The following MAN2A1 variants were observed in gnomAD, a reference collection of about 807,000 sequenced individuals.
The protein encoded by MAN2A1 is mannosidase alpha class 2A member 1, also known as alpha-mannosidase 2.
In MAN2A1, 76 loss-of-function variants were observed where a neutral mutation model predicts 142.6. The ratio of observed to expected loss-of-function variants is 0.53; its 90% CI spans 0.44 to 0.65. The LOEUF (loss-of-function observed/expected upper bound fraction) is 0.65, where lower values mean the gene tolerates loss of function less well. MAN2A1 is among the 30% of genes least tolerant of loss of function. MAN2A1 has a pLI of 0.00. For synonymous variants in MAN2A1, 559 were observed against 473.2 expected (o/e 1.18, Z -2.35); for missense variants, 1,311 against 1,365.1 (o/e 0.96, Z 0.62).
At chr5:109,722,612 C>T (rs1751636300) in intron 3 of MAN2A1, among the ~76,000 whole-genome samples, 1 of 152,078 alleles carries the variant, frequency 6.6e-6, no homozygotes, top group Non-Finnish European at 1.5e-5. Flanking sequence ...GATGGGGTTT[C>T]ACCATGTTGG....
chr5:109,725,691 G>T (rs1751725258), intron 3 of MAN2A1, among the ~76,000 whole-genome samples: 2 of 152,154 alleles, frequency 1.3e-5, no homozygotes, highest in Non-Finnish European at 2.9e-5. Flanking sequence ...ACATCCTCAT[G>T]GTGGTACTTA....
chr5:109,746,479 A>G (rs1204542438), intron 4 of MAN2A1, among the ~76,000 whole-genome samples: 2 of 150,818 alleles, frequency 1.3e-5, no homozygotes, highest in African/African-American at 2.4e-5. Flanking sequence ...GCTCTTATTT[A>G]TTTTATGGAT....
chr5:109,757,597 T>C (rs1439622061), intron 5 of MAN2A1, among the ~76,000 whole-genome samples: 1 of 152,206 alleles, frequency 6.6e-6, no homozygotes, highest in East Asian at 1.9e-4. Flanking sequence ...ATATTTCACA[T>C]AAATTCATAG....
intron 4 of MAN2A1, among the ~76,000 whole-genome samples, chr5:109,732,562 G>C (rs556927182): frequency 1.1e-4 from 17 of 152,042 alleles, no homozygotes; most frequent in Admixed American, 7.8e-4. Context: ...AAGGGATCCA[G>C]TTTCAGCTTT....
intron 6 of MAN2A1, 46 bp downstream of exon 6, chr5:109,767,754 A>T (rs1222322689): frequency 1.3e-6 from 2 of 1,524,874 alleles, no homozygotes; most frequent in African/African-American, 1.4e-5. Flanking sequence ...CCTAGATACT[A>T]TTTCACAAGG....
chr5:109,846,124 T>C (rs1461217231), intron 18 of MAN2A1, 118 bp downstream of exon 18: 1 of 908,742 alleles, frequency 1.1e-6, no homozygotes, highest in East Asian at 3.0e-5. Flanking sequence ...TCTTTTCAGC[T>C]TTTTTCTTTC....
intron 16 of MAN2A1, among the ~76,000 whole-genome samples, chr5:109,837,609 G>T (rs973929519): frequency 7.9e-5 from 12 of 152,128 alleles, no homozygotes; most frequent in African/African-American, 2.9e-4. Context: ...AAAGCTTGTA[G>T]TAAACATATG....
Position 109,781,479 on chromosome 5 carries a change from C to G in MAN2A1, c.1458C>G (p.Phe486Leu). ...ETQRDKGQSM[F>L]PVLSGDFFTY... is the part of the protein sequence containing the mutation. ...AGAGAGACAAGGGCCAATCGATGTT[C>G]CCTGTTTTAAGTGGAGATTTTTTCA... The change falls in exon 9 of 22, where the codon TTC becomes TTG. Residue 486 changes from phenylalanine (F) to leucine (L), a missense_variant. By Grantham distance (22) the Phe-to-Leu change is conservative. Around this residue, in one of 3 missense-constraint regions of MAN2A1, gnomAD observed 890 missense variants for 920.5 expected, o/e 0.97. Transcript: ENST00000261483. 6.2e-7 allele frequency: 1 copy of G among 1,613,002 alleles called. No individual in the cohort carries two copies. Among genetic ancestry groups the G allele is most frequent in the Non-Finnish European group, 8.5e-7 (1 of 1,179,614 alleles).
intron 4 of MAN2A1, among the ~76,000 whole-genome samples, chr5:109,742,334 A>G (rs1340719381): frequency 6.6e-6 from 1 of 152,202 alleles, no homozygotes; most frequent in East Asian, 1.9e-4. Flanking sequence ...GTGTGCTGAG[A>G]TGAAGGTACC....
At chr5:109,712,469 G>A (rs1751328880) in intron 1 of MAN2A1, among the ~76,000 whole-genome samples, 2 of 151,724 alleles carry the variant, frequency 1.3e-5, no homozygotes, top group Non-Finnish European at 2.9e-5. Context: ...TGAATCTATC[G>A]TTTGACCAGT....
chr5:109,862,855 A>T (rs908010661), intron 20 of MAN2A1: 4 of 152,172 alleles, frequency 2.6e-5, no homozygotes, highest in African/African-American at 9.7e-5. Context: ...TACAAAAGTG[A>T]TGTAATTTTA....
chr5:109,820,978 A>T (rs1365655997), intron 15 of MAN2A1, among the ~76,000 whole-genome samples: 3 of 152,192 alleles, frequency 2.0e-5, no homozygotes, highest in African/African-American at 7.2e-5. Flanking sequence ...TAGATTTTCC[A>T]CTGGACCATT....
chr5:109,812,173 C>T lies in MAN2A1; in HGVS notation c.1944-5100C>T, dbSNP rs1025863832. On this transcript the variant is annotated intron_variant, in intron 12 of 21. Coordinates refer to ENST00000261483, the MANE Select transcript of MAN2A1 (RefSeq NM_002372.4). ...TAAACATTTTATAATTTAACATTAA[C>T]AATAATCTTGTTTCCCGATTTTATA... Among the ~76,000 whole-genome samples, 8 of 152,172 alleles carry T rather than the reference C, an allele frequency of 5.3e-5. No individual in the cohort carries two copies. The East Asian group carries it at 1.4e-3, about 26-fold the overall frequency.
At chr5:109,754,852 T>G (rs551128077) in intron 4 of MAN2A1, among the ~76,000 whole-genome samples, 1 of 152,260 alleles carries the variant, frequency 6.6e-6, no homozygotes. Context: ...AAATACAAAA[T>G]TAGCCAGGCA....
At chr5:109,772,371 A>T (rs1316942847) in intron 7 of MAN2A1, among the ~76,000 whole-genome samples, 2 of 152,212 alleles carry the variant, frequency 1.3e-5, no homozygotes, top group African/African-American at 4.8e-5. Flanking sequence ...TTCGTCTCTA[A>T]AATAAACAAA....
At chr5:109,803,844 C>T (rs965713267) in intron 12 of MAN2A1, among the ~76,000 whole-genome samples, 6 of 152,022 alleles carry the variant, frequency 3.9e-5, no homozygotes, top group African/African-American at 1.4e-4. Context: ...GTATAAAGTA[C>T]TGTGAAAATG....
At chr5:109,723,875 T>C (rs1331372239) in intron 3 of MAN2A1, among the ~76,000 whole-genome samples, 1 of 152,226 alleles carries the variant, frequency 6.6e-6, no homozygotes, top group Non-Finnish European at 1.5e-5. Flanking sequence ...TTCTTTTCTT[T>C]TGGTAAGACT....
chr5:109,724,687 T>G (rs952362702), intron 3 of MAN2A1, among the ~76,000 whole-genome samples: 1 of 152,052 alleles, frequency 6.6e-6, no homozygotes, highest in Non-Finnish European at 1.5e-5. Context: ...TTAATAAAAA[T>G]AAAAAGAAAA....
rs760223353 is a variant in MAN2A1, at chr5:109,690,526, C to G, written c.109C>G (p.Pro37Ala). ...DRGHLDYPRN[P>A]RREGSFPQGQ... Reference sequence around the variant, plus strand: ...GGGTCACTTAGACTACCCCAGGAACCCGCGCCGCGAGGGCTCCTTCCCTCA... The same window carrying G: ...GGGTCACTTAGACTACCCCAGGAACGCGCGCCGCGAGGGCTCCTTCCCTCA... The change falls in exon 1 of 22, where the codon CCG becomes GCG. Residue 37 changes from proline to alanine, a missense_variant. Pro to Ala is a conservative substitution (Grantham distance 27). Transcript: ENST00000261483. The G allele has an allele frequency of 2.5e-6, 4 of 1,610,964 alleles. No homozygotes were observed. Among genetic ancestry groups the G allele is most frequent in the Non-Finnish European group, 3.4e-6 (4 of 1,178,534 alleles).
Sources: gnomAD v4.1 joint callset for allele counts (sites outside exome capture counted in the v4.1 genomes callset) on GRCh38, gnomAD v4.1.1 for gene constraint, gnomAD v4.1.1 regional missense constraint, MANE v1.5 for transcripts, NCBI Gene and HGNC (gene_info 2026-07-23, HGNC 2026-07-21) for gene names.